SLC24A3: variants seen among roughly 807,000 people sequenced by gnomAD.
SLC24A3 encodes the protein solute carrier family 24 member 3.
A neutral mutation model predicts 75.8 loss-of-function variants in SLC24A3; 28 were observed. The ratio of observed to expected loss-of-function variants is 0.37; its 90% CI spans 0.27 to 0.51. SLC24A3 has a LOEUF of 0.51. SLC24A3 is among the 20% of genes least tolerant of loss of function. The pLI is 0.94. For missense variants in SLC24A3, 663 were observed against 847.8 expected, an observed-to-expected ratio of 0.78 and a Z score of 2.71; for synonymous variants, 372 against 334.1, an observed-to-expected ratio of 1.11 and a Z score of -1.24.
intron 1 of SLC24A3, among the ~76,000 whole-genome samples, chr20:19,228,919 A>G (rs73277076): frequency 0.011 from 1,721 of 152,292 alleles, 32 homozygotes; most frequent in African/African-American, 0.04. Context: ...TAACTTTACA[A>G]ATGAATTGAT....
intron 3 of SLC24A3, among the ~76,000 whole-genome samples, chr20:19,545,293 A>G (rs996252144): frequency 6.6e-6 from 1 of 152,224 alleles, no homozygotes; most frequent in Non-Finnish European, 1.5e-5. Context: ...GGACAAACGC[A>G]GGTCGGGAGG....
In SLC24A3 at chr20:19,298,064, G is replaced by A. The variant is rs76807474; in HGVS notation, c.271+16977G>A. Reference sequence around the variant, plus strand: ...GTGGGGGAATGGTCTGATTTGCCGAGTAAACAGCCATGTTATTCTGTAGTG... The same window carrying A: ...GTGGGGGAATGGTCTGATTTGCCGAATAAACAGCCATGTTATTCTGTAGTG... On this transcript the variant is annotated intron_variant, in intron 2 of 16. Coordinates refer to ENST00000328041, the MANE Select transcript of SLC24A3 (RefSeq NM_020689.4). 7.2e-3 allele frequency among the ~76,000 whole-genome samples: 1,097 copies of A among 152,358 alleles called. 17 individuals carry two copies. Among genetic ancestry groups the A allele is most frequent in the African/African-American group, 0.025 (1,055 of 41,572 alleles).
At chr20:19,219,972 G>A (rs1441733765) in intron 1 of SLC24A3, among the ~76,000 whole-genome samples, 2 of 152,184 alleles carry the variant, frequency 1.3e-5, no homozygotes, top group Non-Finnish European at 2.9e-5. Context: ...GCCATTTAAT[G>A]CAATTGACAT....
intron 2 of SLC24A3, among the ~76,000 whole-genome samples, chr20:19,477,050 T>A (rs1400936053): frequency 6.6e-6 from 1 of 151,998 alleles, no homozygotes; most frequent in African/African-American, 2.4e-5. Context: ...TGCCTAGCCA[T>A]AGTAAGGACT....
intron 2 of SLC24A3, among the ~76,000 whole-genome samples, chr20:19,431,961 T>C (rs547403464): frequency 2.0e-4 from 30 of 152,174 alleles, no homozygotes; most frequent in African/African-American, 7.0e-4. Flanking sequence ...AATTATTTTG[T>C]TTTAGAATTC....
chr20:19,650,755 T>C (rs1052651832), intron 6 of SLC24A3, among the ~76,000 whole-genome samples: 1 of 152,250 alleles, frequency 6.6e-6, no homozygotes, highest in Non-Finnish European at 1.5e-5. Context: ...GAGCCATTAA[T>C]ACACAATGGT....
At chr20:19,322,365 C>CCCTTCCTTCCTTCCTT (rs59240769) in intron 2 of SLC24A3, among the ~76,000 whole-genome samples, 16 of 80,064 alleles carry the variant, frequency 2.0e-4, no homozygotes, top group South Asian at 2.0e-3. Context: ...TTCCTTCCTT[C>CCCTTCCTTCCTTCCTT]CCTTCCTTCC....
At chr20:19,470,597 C>A (rs1987854147) in intron 2 of SLC24A3, among the ~76,000 whole-genome samples, 1 of 152,176 alleles carries the variant, frequency 6.6e-6, no homozygotes, top group Non-Finnish European at 1.5e-5. Flanking sequence ...CACACATGTA[C>A]ATACACGCAC....
At chr20:19,515,818 G>T (rs753101427) in intron 3 of SLC24A3, among the ~76,000 whole-genome samples, 4 of 152,164 alleles carry the variant, frequency 2.6e-5, no homozygotes, top group Non-Finnish European at 4.4e-5. Context: ...AAGTCAAACA[G>T]CCCCACTCTC....
intron 2 of SLC24A3, among the ~76,000 whole-genome samples, chr20:19,467,758 G>C (rs1424804148): frequency 6.6e-6 from 1 of 151,998 alleles, no homozygotes; most frequent in Non-Finnish European, 1.5e-5. Flanking sequence ...GTGCACGCCT[G>C]TAATCCCAGC....
At chr20:19,335,249 G>A (rs887033583) in intron 2 of SLC24A3, among the ~76,000 whole-genome samples, 1 of 152,230 alleles carries the variant, frequency 6.6e-6, no homozygotes, top group Non-Finnish European at 1.5e-5. Context: ...GGGCTAGAAT[G>A]AAATGAGTGG....
At chr20:19,299,714 A>G (rs1984152084) in intron 2 of SLC24A3, among the ~76,000 whole-genome samples, 1 of 152,224 alleles carries the variant, frequency 6.6e-6, no homozygotes, top group Admixed American at 6.5e-5. Context: ...GAGATATGGT[A>G]TCAGCACAGA....
chr20:19,212,769 C>A lies in SLC24A3; in HGVS notation c.-74C>A. 1 of 972,964 alleles carries A rather than the reference C, an allele frequency of 1.0e-6. No individual in the cohort carries two copies. The highest frequency in any genetic ancestry group is 1.2e-6 in the Non-Finnish European group (1 of 821,524). The allele number at this position is 972,964 out of a possible 1,614,324, so 60.3% of individuals were successfully genotyped here. A position where few individuals can be genotyped will look rare whatever the true frequency, so the allele number is the denominator to read the frequency against. On this transcript the variant is annotated 5_prime_UTR_variant, in exon 1 of 17. Coordinates refer to ENST00000328041, the MANE Select transcript of SLC24A3 (RefSeq NM_020689.4). ...CTGCTGCGCGCAGGGCTGCCTCCTG[C>A]CGCTGTCCCCGCCGCGGCCGCCCGC...
chr20:19,587,722 C>A (rs1467920772), intron 6 of SLC24A3, among the ~76,000 whole-genome samples: 2 of 152,120 alleles, frequency 1.3e-5, no homozygotes, highest in African/African-American at 2.4e-5. Flanking sequence ...GGCTGTGGAA[C>A]CCTGGAGAAG....
intron 1 of SLC24A3, chr20:19,244,184 A>T (rs1251212539): frequency 6.6e-6 from 1 of 152,158 alleles, no homozygotes; most frequent in Non-Finnish European, 1.5e-5. Context: ...TCATCCTAAT[A>T]GCTTCTGCAT....
intron 6 of SLC24A3, among the ~76,000 whole-genome samples, chr20:19,639,974 C>T (rs944267792): frequency 6.6e-6 from 1 of 152,254 alleles, no homozygotes; most frequent in African/African-American, 2.4e-5. Context: ...CCAGCTGGCC[C>T]GCAAGCGCGG....
At chr20:19,461,890 A>G (rs545943496) in intron 2 of SLC24A3, among the ~76,000 whole-genome samples, 2 of 152,336 alleles carry the variant, frequency 1.3e-5, no homozygotes, top group Admixed American at 6.5e-5. Context: ...AAGGGAAAGT[A>G]TAAGCATTTT....
At chr20:19,675,980 C>T (rs1233752909) in intron 9 of SLC24A3, among the ~76,000 whole-genome samples, 1 of 152,144 alleles carries the variant, frequency 6.6e-6, no homozygotes, top group Non-Finnish European at 1.5e-5. Context: ...AATTGAGCTC[C>T]CAAAAGTGGA....
intron 8 of SLC24A3, among the ~76,000 whole-genome samples, chr20:19,668,311 C>T (rs915773064): frequency 2.0e-5 from 3 of 152,174 alleles, no homozygotes; most frequent in African/African-American, 7.2e-5. Context: ...TTACTGTTCA[C>T]TTCTTCTATC....
Sources: allele counts gnomAD v4.1 joint callset (sites outside exome capture counted in the v4.1 genomes callset), GRCh38; gene constraint gnomAD v4.1.1; transcripts MANE v1.5; gene names NCBI Gene and HGNC (gene_info 2026-07-23, HGNC 2026-07-21).